Variants in PCDH15 observed in about 807,000 individuals in gnomAD.
PCDH15 encodes the protein protocadherin related 15, also known as protocadherin-15.
Under a neutral mutation model 178.5 loss-of-function variants are expected in PCDH15, and 129 were observed. The observed-to-expected ratio is 0.72, with a 90% CI of 0.63 to 0.84. The LOEUF (loss-of-function observed/expected upper bound fraction) is 0.84. Among genes scored for constraint, PCDH15 ranks in the 40% least tolerant of loss-of-function variants. The pLI is 0.00. For missense variants in PCDH15, 2,230 were observed against 2,099.9 expected (o/e 1.06, Z -1.21); for synonymous variants, 800 against 732.0 (o/e 1.09, Z -1.50).
At chr10:54,104,011 GC>G (rs1295105252) in intron 15 of PCDH15, among the ~76,000 whole-genome samples, 5 of 152,156 alleles carry the variant, frequency 3.3e-5, no homozygotes, top group Non-Finnish European at 7.3e-5. Context: ...ACCTCTAGGG[GC>G]CCACAAGGAC....
In PCDH15 at chr10:53,803,252, TGCTA is replaced by T. The variant is rs1292368140; in HGVS notation, c.*3323_*3326del. The T allele has an allele frequency of 6.6e-6, 1 of 151,880 alleles. No individual in the cohort carries two copies. Among genetic ancestry groups the T allele is most frequent in the East Asian group, 1.9e-4 (1 of 5,190 alleles). The allele number at this position is 151,880 out of a possible 1,614,324, so 9.4% of individuals were successfully genotyped here. On this transcript the variant is annotated 3_prime_UTR_variant, in exon 38 of 38. Coordinates refer to ENST00000644397, the MANE Select transcript of PCDH15 (RefSeq NM_001384140.1). ...GATTATTAGCACTTTTTGCCTATTT[TGCTA>T]ATTAAATTCAAGTGGTATATAAATC...
intron 2 of PCDH15, among the ~76,000 whole-genome samples, chr10:55,070,441 G>C (rs1841703800): frequency 2.0e-5 from 3 of 151,948 alleles, no homozygotes; most frequent in Non-Finnish European, 4.4e-5. Flanking sequence ...AATCCATCTT[G>C]AATTAATTTT....
intron 2 of PCDH15, among the ~76,000 whole-genome samples, chr10:55,613,646 C>T (rs1362867685): frequency 2.0e-5 from 3 of 152,026 alleles, no homozygotes; most frequent in Non-Finnish European, 4.4e-5. Flanking sequence ...TTGCAAATGT[C>T]CTACAAACTA....
chr10:54,597,692 A>G lies in PCDH15; in HGVS notation c.91+66480T>C, dbSNP rs533223860. ...AACCATTCAAAAGATCAACGAAGCC[A>G]GGAGTTGACTTTTTGAAAACATTAA... On this transcript the variant is annotated intron_variant, in intron 2 of 37. Coordinates refer to ENST00000644397, the MANE Select transcript of PCDH15 (RefSeq NM_001384140.1). Among the ~76,000 whole-genome samples, 828 of 152,246 alleles carry G rather than the reference A, an allele frequency of 5.4e-3. 3 individuals carry two copies. Among genetic ancestry groups the G allele is most frequent in the African/African-American group, 0.019 (775 of 41,560 alleles).
At chr10:55,105,253 A>C (rs995619583) in intron 2 of PCDH15, among the ~76,000 whole-genome samples, 9 of 151,958 alleles carry the variant, frequency 5.9e-5, no homozygotes, top group African/African-American at 2.2e-4. Flanking sequence ...TTTTTTTCTT[A>C]TTTTTTAAAA....
At chr10:53,885,391 AT>A (rs986182822) in intron 26 of PCDH15, among the ~76,000 whole-genome samples, 3 of 147,742 alleles carry the variant, frequency 2.0e-5, no homozygotes, top group Admixed American at 6.6e-5. Context: ...AACCTTCAAT[AT>A]GCCTTTTAAA....
At chr10:55,383,289 G>A (rs148163514) in intron 2 of PCDH15, among the ~76,000 whole-genome samples, 5 of 152,062 alleles carry the variant, frequency 3.3e-5, no homozygotes, top group East Asian at 1.9e-4. Context: ...TCTCCTGGAC[G>A]TTCAGCCACT....
chr10:54,066,914 G>A (rs2094146208), intron 17 of PCDH15, 29 bp from the exon 18 acceptor site: 3 of 1,608,642 alleles, frequency 1.9e-6, no homozygotes, highest in Non-Finnish European at 8.5e-7. Context: ...CATTAAATGT[G>A]AGAGGAGCTA....
At chr10:55,348,698 T>C (rs886155166) in intron 2 of PCDH15, among the ~76,000 whole-genome samples, 1 of 152,128 alleles carries the variant, frequency 6.6e-6, no homozygotes, top group African/African-American at 2.4e-5. Context: ...TGTCTGTAAA[T>C]GAAACATTCC....
rs369595551 is a variant in PCDH15, at chr10:54,170,388, C to T, written c.1590+13056G>A. ...CTTGACCTTACTGTTTTAGTCTAGC[C>T]CTCATGTCTGCGTGCAGTGGCTGCC... On this transcript the variant is annotated intron_variant, in intron 13 of 37. Coordinates refer to ENST00000644397, the MANE Select transcript of PCDH15 (RefSeq NM_001384140.1). 1.4e-4 allele frequency among the ~76,000 whole-genome samples: 22 copies of T among 152,102 alleles called. No homozygotes were observed. In the East Asian group the frequency reaches 3.7e-3, roughly 25 times the overall value.
chr10:53,974,554 A>AT (rs2090034833), intron 21 of PCDH15, among the ~76,000 whole-genome samples: 1 of 152,084 alleles, frequency 6.6e-6, no homozygotes, highest in South Asian at 2.1e-4. Context: ...GAAATACAGC[A>AT]TTTTTTCAGT....
intron 1 of PCDH15, among the ~76,000 whole-genome samples, chr10:55,265,298 G>GATATATCTCT (rs1842256944): frequency 7.3e-6 from 1 of 136,460 alleles, no homozygotes; most frequent in Admixed American, 7.4e-5. Flanking sequence ...TAGATATAGA[G>GATATATCTCT]ATGTATCTCT....
At chr10:54,272,191 C>T (rs1051717133) in intron 8 of PCDH15, among the ~76,000 whole-genome samples, 1 of 151,354 alleles carries the variant, frequency 6.6e-6, no homozygotes, top group African/African-American at 2.4e-5. Context: ...ATCATGTCTA[C>T]TGATCCTGAT....
At chr10:53,906,365 C>T (rs2082683084) in intron 25 of PCDH15, among the ~76,000 whole-genome samples, 1 of 151,842 alleles carries the variant, frequency 6.6e-6, no homozygotes, top group Admixed American at 6.6e-5. Context: ...CTTTCCAGAG[C>T]TTGGTTTACA....
intron 2 of PCDH15, among the ~76,000 whole-genome samples, chr10:55,457,785 C>A (rs985743257): frequency 8.0e-5 from 11 of 137,226 alleles, no homozygotes; most frequent in Non-Finnish European, 1.2e-4. Context: ...AACCAATAAT[C>A]CTCTTTTGTA....
At chr10:54,499,239 C>T (rs2080411024) in intron 3 of PCDH15, among the ~76,000 whole-genome samples, 1 of 152,066 alleles carries the variant, frequency 6.6e-6, no homozygotes. Flanking sequence ...TTCAATACCC[C>T]AATGACAGTA....
intron 3 of PCDH15, among the ~76,000 whole-genome samples, chr10:54,382,101 T>C (rs1047318266): frequency 1.3e-5 from 2 of 152,128 alleles, no homozygotes; most frequent in African/African-American, 4.8e-5. Context: ...TTTATTGACA[T>C]TTTCAACACA....
At chr10:55,472,656 C>G (rs2132108793) in intron 2 of PCDH15, among the ~76,000 whole-genome samples, 1 of 152,276 alleles carries the variant, frequency 6.6e-6, no homozygotes, top group East Asian at 1.9e-4. Context: ...GCAAGCTCCA[C>G]CTACCGGGTT....
intron 2 of PCDH15, among the ~76,000 whole-genome samples, chr10:55,148,325 A>AATAAATTTATTAACTGGCCC (rs1838590145): frequency 6.6e-6 from 1 of 151,906 alleles, no homozygotes; most frequent in African/African-American, 2.4e-5. Context: ...ACTGGCCCAG[A>AATAAATTTATTAACTGGCCC]AGATAGTAAG....
Sources: gnomAD v4.1 joint callset for allele counts (sites outside exome capture counted in the v4.1 genomes callset) on GRCh38, gnomAD v4.1.1 for gene constraint, MANE v1.5 for transcripts, NCBI Gene and HGNC (gene_info 2026-07-23, HGNC 2026-07-21) for gene names.